IGF1R: variants seen among roughly 807,000 people sequenced by gnomAD.
The protein encoded by IGF1R is insulin like growth factor 1 receptor, also known as insulin-like growth factor 1 receptor.
Under a neutral mutation model 144.6 loss-of-function variants are expected in IGF1R, and 44 were observed. The ratio of observed to expected loss-of-function variants is 0.30; its 90% CI spans 0.24 to 0.39. IGF1R has a LOEUF of 0.39. Among genes scored for constraint, IGF1R ranks in the 10% least tolerant of loss-of-function variants. The pLI is 1.00. For missense variants in IGF1R, 1,355 were observed against 1,833.7 expected, an observed-to-expected ratio of 0.74 and a Z score of 4.77; for synonymous variants, 795 against 722.8, an observed-to-expected ratio of 1.10 and a Z score of -1.60.
At chr15:98,789,410 A>G (rs911071196) in intron 2 of IGF1R, among the ~76,000 whole-genome samples, 1 of 152,212 alleles carries the variant, frequency 6.6e-6, no homozygotes, top group African/African-American at 2.4e-5. Context: ...TGTATGTAGT[A>G]TGTTTCAAAA....
intron 2 of IGF1R, among the ~76,000 whole-genome samples, chr15:98,732,672 C>T (rs2054521353): frequency 6.6e-6 from 1 of 152,194 alleles, no homozygotes; most frequent in African/African-American, 2.4e-5. Flanking sequence ...TGACTGGAGA[C>T]TGACTGGAGA....
At chr15:98,712,877 T>C (rs2054026836) in intron 2 of IGF1R, among the ~76,000 whole-genome samples, 1 of 150,122 alleles carries the variant, frequency 6.7e-6, no homozygotes. Flanking sequence ...CCCAATGTGC[T>C]GGGATTACAG....
At chr15:98,716,231 A>G (rs1384100929) in intron 2 of IGF1R, among the ~76,000 whole-genome samples, 2 of 152,134 alleles carry the variant, frequency 1.3e-5, no homozygotes, top group Non-Finnish European at 2.9e-5. Context: ...AAAATTGAGT[A>G]AGTTACTGAG....
chr15:98,889,035 CACA>C (rs2013780683), intron 2 of IGF1R, among the ~76,000 whole-genome samples: 1 of 152,196 alleles, frequency 6.6e-6, no homozygotes, highest in African/African-American at 2.4e-5. Context: ...AAGTTCCAGT[CACA>C]ACGTTTGTTT....
chr15:98,888,438 A>AGAGAGTGT (rs1555457179), intron 2 of IGF1R, among the ~76,000 whole-genome samples: 25,751 of 143,298 alleles, frequency 0.18, 2,730 homozygotes, highest in East Asian at 0.34. Context: ...AGAGAGAGAG[A>AGAGAGTGT]GTGTGTGTGT....
At chr15:98,928,334 C>T (rs780857978) in intron 13 of IGF1R, among the ~76,000 whole-genome samples, 2 of 152,164 alleles carry the variant, frequency 1.3e-5, no homozygotes, top group Non-Finnish European at 2.9e-5. Context: ...GCAGAGCATG[C>T]CCTGGAGACA....
chr15:98,724,119 T>C (rs1334734728), intron 2 of IGF1R, among the ~76,000 whole-genome samples: 2 of 152,210 alleles, frequency 1.3e-5, no homozygotes, highest in Non-Finnish European at 2.9e-5. Context: ...TTATTGTAAA[T>C]GAGGAGACTT....
At position 98,961,110 on chromosome 15, in the gene IGF1R, C is replaced by T. The variant is rs1199248177; in HGVS notation, c.*3668C>T. On this transcript the variant is annotated 3_prime_UTR_variant, in exon 21 of 21. Transcript: ENST00000650285. ...TCAGGAGCCTCCTGCTGGAACGCGA[C>T]CCATCTCTCCCAGGACCCCGGGGAT... 4.3e-6 allele frequency: 1 copy of T among 233,424 alleles called. No individual in the cohort carries two copies. The highest frequency in any genetic ancestry group is 8.5e-6 in the Non-Finnish European group (1 of 117,950). The allele number at this position is 233,424 out of a possible 1,614,324, so 14.5% of individuals were successfully genotyped here. A position where few individuals can be genotyped will look rare whatever the true frequency, so the allele number is the denominator to read the frequency against.
intron 1 of IGF1R, among the ~76,000 whole-genome samples, chr15:98,663,593 G>A (rs946274061): frequency 2.6e-5 from 4 of 152,212 alleles, no homozygotes; most frequent in Non-Finnish European, 4.4e-5. Flanking sequence ...TCAGGTGAGC[G>A]CTGTTGTTGT....
chr15:98,788,054 CTCTCTCTCTGTGTGTGTGTG>C (rs1485356699), intron 2 of IGF1R, among the ~76,000 whole-genome samples: 7 of 142,360 alleles, frequency 4.9e-5, no homozygotes, highest in African/African-American at 1.1e-4. Flanking sequence ...CTCTCTCTCT[CTCTCTCTCTGTGTGTGTGTG>C]TGTGTGTGTG....
intron 2 of IGF1R, among the ~76,000 whole-genome samples, chr15:98,859,693 A>G (rs1247271534): frequency 2.0e-5 from 3 of 152,250 alleles, no homozygotes; most frequent in Non-Finnish European, 4.4e-5. Flanking sequence ...CACTTTAAAA[A>G]ACAAACACAC....
At chr15:98,806,218 G>C (rs1176554465) in intron 2 of IGF1R, among the ~76,000 whole-genome samples, 1 of 152,184 alleles carries the variant, frequency 6.6e-6, no homozygotes, top group East Asian at 1.9e-4. Flanking sequence ...AGAGTGGACA[G>C]GACAAGTGGA....
At chr15:98,805,493 G>C (rs2056451765) in intron 2 of IGF1R, among the ~76,000 whole-genome samples, 1 of 151,748 alleles carries the variant, frequency 6.6e-6, no homozygotes, top group African/African-American at 2.4e-5. Context: ...AAGGGTGCCT[G>C]TGTGTGTATG....
At chr15:98,785,773 C>T (rs1297809686) in intron 2 of IGF1R, among the ~76,000 whole-genome samples, 1 of 152,098 alleles carries the variant, frequency 6.6e-6, no homozygotes, top group African/African-American at 2.4e-5. Context: ...GTGATCCCCA[C>T]CCACCTCAAG....
intron 10 of IGF1R, among the ~76,000 whole-genome samples, chr15:98,921,551 C>T (rs533839041): frequency 3.8e-4 from 58 of 152,150 alleles, no homozygotes; most frequent in South Asian, 3.5e-3. Flanking sequence ...CAAGCACAGA[C>T]GCTTGGGGTT....
At chr15:98,872,441 A>G (rs1218166856) in intron 2 of IGF1R, among the ~76,000 whole-genome samples, 2 of 152,326 alleles carry the variant, frequency 1.3e-5, no homozygotes, top group African/African-American at 4.8e-5. Context: ...GCGAGACTGG[A>G]CATCTCTCCT....
intron 2 of IGF1R, among the ~76,000 whole-genome samples, chr15:98,747,426 G>A (rs1399829693): frequency 6.6e-6 from 1 of 152,128 alleles, no homozygotes; most frequent in Non-Finnish European, 1.5e-5. Flanking sequence ...TCGAACTCCT[G>A]ACCTGGTGAT....
intron 18 of IGF1R, among the ~76,000 whole-genome samples, chr15:98,939,813 GC>G (rs1184700016): frequency 1.3e-5 from 2 of 152,230 alleles, no homozygotes; most frequent in Non-Finnish European, 2.9e-5. Flanking sequence ...TAATGACGAA[GC>G]CTCTGCACGG....
chr15:98,918,619 G>A (rs879576372), intron 10 of IGF1R, among the ~76,000 whole-genome samples: 2 of 152,042 alleles, frequency 1.3e-5, no homozygotes, highest in Non-Finnish European at 2.9e-5. Flanking sequence ...GGTGGCTCAC[G>A]CCTGTAATCC....
Sources: gnomAD v4.1 joint callset for allele counts (sites outside exome capture counted in the v4.1 genomes callset) on GRCh38, gnomAD v4.1.1 for gene constraint, MANE v1.5 for transcripts, NCBI Gene and HGNC (gene_info 2026-07-23, HGNC 2026-07-21) for gene names.